Variants in ADAMTSL2 observed in about 807,000 individuals in gnomAD.
The protein encoded by ADAMTSL2 is ADAMTS-like protein 2.
A neutral mutation model predicts 117.0 loss-of-function variants in ADAMTSL2; 55 were observed. That is an observed-to-expected ratio of 0.47 (90% CI 0.38 to 0.59). ADAMTSL2 has a LOEUF of 0.59. ADAMTSL2 is among the 20% of genes least tolerant of loss of function. The pLI, the probability that ADAMTSL2 is intolerant of heterozygous loss-of-function variation, is 0.00. For missense variants in ADAMTSL2, 1,182 were observed against 1,354.5 expected, an observed-to-expected ratio of 0.87 and a Z score of 2.00; for synonymous variants, 572 against 566.4, an observed-to-expected ratio of 1.01 and a Z score of -0.14.
chr9:133,561,072 G>A, intron 11 of ADAMTSL2, 126 bp from the exon 12 acceptor site: 3 of 815,012 alleles, frequency 3.7e-6, no homozygotes, highest in African/African-American at 1.7e-5. Context: ...TCGGCCCGGG[G>A]CTCAGGACAG....
chr9:133,537,367 C>T, intron 2 of ADAMTSL2, 38 bp from the exon 3 acceptor site: 1 of 1,332,236 alleles, frequency 7.5e-7, no homozygotes, highest in Non-Finnish European at 9.7e-7. Context: ...CTCCTGGGCA[C>T]TTGAGCCCTC....
At chr9:133,572,315 G>A (rs1412784586) in intron 17 of ADAMTSL2, among the ~76,000 whole-genome samples, 1 of 152,182 alleles carries the variant, frequency 6.6e-6, no homozygotes, top group Non-Finnish European at 1.5e-5. Flanking sequence ...GCTGAGGGTG[G>A]GCCTGGGGCT....
In ADAMTSL2 at chr9:133,566,898, C is replaced by T. The variant is rs1230883988; in HGVS notation, c.1748-38C>T. On this transcript the variant is annotated intron_variant, in intron 12 of 18. Coordinates refer to ENST00000651351, the MANE Select transcript of ADAMTSL2 (RefSeq NM_014694.4). Reference sequence around the variant, plus strand: ...GCCTGTCTGCTGGGCTCCAAGGTGCCGGCATGGCTCACAGACCCACCCCTG... The same window carrying T: ...GCCTGTCTGCTGGGCTCCAAGGTGCTGGCATGGCTCACAGACCCACCCCTG... The T allele has an allele frequency of 2.3e-5, 36 of 1,589,036 alleles. No individual in the cohort carries two copies. In the East Asian group the frequency reaches 3.2e-4, roughly 14 times the overall value.
chr9:133,565,536 C>G (rs1174399718), intron 12 of ADAMTSL2, among the ~76,000 whole-genome samples: 4 of 152,232 alleles, frequency 2.6e-5, no homozygotes, highest in Admixed American at 1.3e-4. Flanking sequence ...CCAGCCTCCC[C>G]CTCAGAGAAG....
intron 10 of ADAMTSL2, 25 bp from the exon 11 acceptor site, chr9:133,555,533 G>T: frequency 6.2e-7 from 1 of 1,612,884 alleles, no homozygotes; most frequent in Non-Finnish European, 8.5e-7. Context: ...TGTGCCCACG[G>T]TTGAGCCACC....
In ADAMTSL2 at chr9:133,540,714, C is replaced by T. The variant is rs953298656; in HGVS notation, c.529C>T (p.Arg177Ter). ...CACATCCTGCAAGCTCACTGACCTG[C>T]GAGGGGTTTGCGTGTCTGGAAAATG... is the stretch of plus-strand genomic sequence containing the variant. ...DGTSCKLTDL[R>*]GVCVSGKCEP... Residue 177 changes from arginine (R) to a stop codon, truncating the protein, a stop_gained, in exon 6 of 19, where the codon CGA becomes TGA. Transcript: ENST00000651351. LOFTEE classifies it high-confidence loss of function. 6 of 1,613,908 alleles carry T rather than the reference C, an allele frequency of 3.7e-6. No individual in the cohort carries two copies. Among genetic ancestry groups the T allele is most frequent in the Non-Finnish European group, 4.2e-6 (5 of 1,180,042 alleles).
Position 133,568,662 on chromosome 9 carries a change from T to C in ADAMTSL2, c.2148T>C (p.Asp716=). The change falls in exon 15 of 19, where the codon GAT becomes GAC. Residue 716 remains aspartate, a synonymous_variant. Transcript: ENST00000651351. ...CCAGGGACATCCGCTGCTCGGAGGATGAGAAGCTGTGTGACCCCAACACCA... is the reference window on the plus strand; with the variant it reads ...CCAGGGACATCCGCTGCTCGGAGGACGAGAAGCTGTGTGACCCCAACACCA... ...VVTRDIRCSE[D]EKLCDPNTRP... 3 of 1,613,282 alleles carry C rather than the reference T, an allele frequency of 1.9e-6. No homozygotes were observed. The highest frequency in any genetic ancestry group is 2.5e-6 in the Non-Finnish European group (3 of 1,179,894).
chr9:133,553,193 G>A (rs1422951907), intron 9 of ADAMTSL2, among the ~76,000 whole-genome samples: 1 of 152,188 alleles, frequency 6.6e-6, no homozygotes, highest in Admixed American at 6.5e-5. Context: ...CTGAAGGCTT[G>A]GGACGTTTGA....
At chr9:133,546,915 G>A (rs1830361709) in intron 8 of ADAMTSL2, 123 bp from the exon 9 acceptor site, 1 of 1,010,900 alleles carries the variant, frequency 9.9e-7, no homozygotes, top group African/African-American at 1.6e-5. Context: ...GGAGTTTCCT[G>A]TCTCGGGAGC....
At chr9:133,564,137 AG>A (rs1270235519) in intron 12 of ADAMTSL2, among the ~76,000 whole-genome samples, 2 of 68,236 alleles carry the variant, frequency 2.9e-5, no homozygotes, top group Non-Finnish European at 5.8e-5. Context: ...AGAGAGAGAG[AG>A]AGAAAGGGGG....
At chr9:133,538,464 C>T (rs749715446) in intron 4 of ADAMTSL2, 40 bp downstream of exon 4, 1 of 1,608,084 alleles carries the variant, frequency 6.2e-7, no homozygotes, top group Non-Finnish European at 8.5e-7. Flanking sequence ...GGCCTGCTCT[C>T]CCTGTCATCA....
At chr9:133,539,924 G>C (rs1345531156) in intron 5 of ADAMTSL2, 51 bp downstream of exon 5, 20 of 1,522,546 alleles carry the variant, frequency 1.3e-5, no homozygotes, top group East Asian at 2.5e-5. Context: ...TGAGCTTTGG[G>C]GGTAGCCCTT....
At chr9:133,553,212 G>GT (rs1331236148) in intron 9 of ADAMTSL2, among the ~76,000 whole-genome samples, 16 of 152,188 alleles carry the variant, frequency 1.1e-4, no homozygotes, top group African/African-American at 3.4e-4. Flanking sequence ...GAGATGTGAA[G>GT]TTTTTCAAGT....
intron 10 of ADAMTSL2, among the ~76,000 whole-genome samples, chr9:133,555,189 C>CT (rs1237460714): frequency 1.3e-5 from 2 of 151,962 alleles, no homozygotes; most frequent in African/African-American, 2.4e-5. Context: ...CGGTCCCCTT[C>CT]TGATAAGGAT....
rs1831026572 is a variant in ADAMTSL2, at chr9:133,568,423, G to T, written c.2025G>T (p.Glu675Asp). 3.7e-6 allele frequency: 6 copies of T among 1,609,196 alleles called. No individual in the cohort carries two copies. Among genetic ancestry groups the T allele is most frequent in the Non-Finnish European group, 5.1e-6 (6 of 1,178,626 alleles). The change falls in exon 14 of 19, where the codon GAG (glutamate) becomes GAT (aspartate). Residue 675 changes from glutamate to aspartate, a missense_variant. This residue lies in a region of ADAMTSL2 where 465 missense variants were observed against 565.3 expected (regional missense o/e 0.82). Coordinates refer to ENST00000651351, the MANE Select transcript of ADAMTSL2 (RefSeq NM_014694.4). The stretch of plus-strand genomic sequence containing the variant: ...AGGCAGCCGAGGCCGTGCGGCCCGA[G>T]GAACGCAAGACCTGCCGGAACCCCG... ...LCEAAEAVRP[E>D]ERKTCRNPAC...
At chr9:133,568,877 C>A in intron 15 of ADAMTSL2, 119 bp downstream of exon 15, 1 of 1,317,310 alleles carries the variant, frequency 7.6e-7, no homozygotes. Flanking sequence ...CAAGAATGTC[C>A]AACCAGCCTT....
At chr9:133,546,938 G>A in intron 8 of ADAMTSL2, 100 bp from the exon 9 acceptor site, 2 of 1,259,012 alleles carry the variant, frequency 1.6e-6, no homozygotes, top group South Asian at 2.4e-5. Context: ...TTGAGCCGGG[G>A]TTCTGGAGGG....
chr9:133,556,963 G>C (rs1830616726), intron 11 of ADAMTSL2, among the ~76,000 whole-genome samples: 1 of 152,200 alleles, frequency 6.6e-6, no homozygotes, highest in East Asian at 1.9e-4. Flanking sequence ...CAGGCAGTGA[G>C]TGGGGGTTGG....
chr9:133,559,675 C>T (rs1830684452), intron 11 of ADAMTSL2, among the ~76,000 whole-genome samples: 1 of 152,010 alleles, frequency 6.6e-6, no homozygotes, highest in South Asian at 2.1e-4. Context: ...TTAAAGCTTC[C>T]TCTAAGTTCT....
Sources: allele counts gnomAD v4.1 joint callset (sites outside exome capture counted in the v4.1 genomes callset), GRCh38; gene constraint gnomAD v4.1.1; regional missense constraint gnomAD v4.1.1; transcripts MANE v1.5; gene names NCBI Gene and HGNC (gene_info 2026-07-23, HGNC 2026-07-21).